KIF1B: variants seen among roughly 807,000 people sequenced by gnomAD.
The protein encoded by KIF1B is kinesin-like protein KIF1B.
KIF1B carries 76 observed loss-of-function variants against 241.9 expected under a neutral mutation model. The ratio of observed to expected loss-of-function variants is 0.31; its 90% CI spans 0.26 to 0.38. KIF1B has a LOEUF of 0.38. Among genes scored for constraint, KIF1B ranks in the 10% least tolerant of loss-of-function variants. KIF1B has a pLI of 1.00. For synonymous variants in KIF1B, 750 were observed against 796.7 expected (o/e 0.94, Z 0.99); for missense variants, 1,622 against 2,271.4 (o/e 0.71, Z 5.81).
Position 10,326,020 on chromosome 1 carries a change from G to C in KIF1B, c.2676-91G>C. 1 of 1,509,820 alleles carries C rather than the reference G, an allele frequency of 6.6e-7. No homozygotes were observed. Among genetic ancestry groups the C allele is most frequent in the Non-Finnish European group, 9.2e-7 (1 of 1,092,294 alleles). 93.5% of individuals were successfully genotyped at this position (1,509,820 alleles called of 1,614,324 possible). On this transcript the variant is annotated intron_variant, in intron 26 of 48. Transcript: ENST00000676179. This position sits in a 1 kb window ranked among gnomAD's most constrained non-coding sequence, Gnocchi z 5.2. ...CTTTTATTGTGTTGATTCCCCAGTG[G>C]ATTCTGTCCTGTTAGCACCTATTGC... is the stretch of plus-strand genomic sequence containing the variant.
At chr1:10,277,144 TA>T (rs1452366621) in intron 12 of KIF1B, among the ~76,000 whole-genome samples, 7 of 151,450 alleles carry the variant, frequency 4.6e-5, no homozygotes, top group Non-Finnish European at 8.8e-5. Context: ...TATGTAGCAA[TA>T]TTAAAAAATT....
At chr1:10,294,398 G>A (rs895396767) in intron 17 of KIF1B, among the ~76,000 whole-genome samples, 8 of 151,616 alleles carry the variant, frequency 5.3e-5, no homozygotes, top group Non-Finnish European at 8.8e-5. Flanking sequence ...AATTATAGTG[G>A]GAAGTGGTGG....
chr1:10,263,635 A>G (rs1254322549), intron 5 of KIF1B, among the ~76,000 whole-genome samples: 1 of 152,252 alleles, frequency 6.6e-6, no homozygotes, highest in African/African-American at 2.4e-5. Context: ...TACACCAAAA[A>G]GAGAATGTGC....
intron 22 of KIF1B, chr1:10,304,101 G>C (rs1438601566): frequency 6.2e-7 from 1 of 1,614,052 alleles, no homozygotes; most frequent in Non-Finnish European, 8.5e-7. Context: ...GAAACTCTTG[G>C]AGTCCTGGGA....
chr1:10,275,011 G>A (rs1033693670), intron 10 of KIF1B: 3 of 327,844 alleles, frequency 9.2e-6, no homozygotes, highest in Admixed American at 9.2e-5. Context: ...TTCTGTGTAA[G>A]AGAATGTTCT....
chr1:10,279,184 A>G, intron 14 of KIF1B, 46 bp downstream of exon 14: 1 of 1,308,310 alleles, frequency 7.6e-7, no homozygotes, highest in Non-Finnish European at 1.1e-6. Context: ...TGACTTGCTA[A>G]TCTGCCTCTG....
At chr1:10,348,818 C>G (rs1652685525) in intron 37 of KIF1B, 85 bp downstream of exon 37, 5 of 961,598 alleles carry the variant, frequency 5.2e-6, no homozygotes, top group African/African-American at 3.2e-5. Context: ...CTCTGTCACC[C>G]AGGCTGGAGT....
intron 28 of KIF1B, among the ~76,000 whole-genome samples, chr1:10,335,974 G>T (rs746214023): frequency 3.9e-5 from 6 of 152,132 alleles, no homozygotes; most frequent in Non-Finnish European, 8.8e-5. Flanking sequence ...TGACCTTTCA[G>T]CCTTTCCCCT....
At position 10,303,483 on chromosome 1, in the gene KIF1B, G is replaced by A. The variant is rs773442943; in HGVS notation, c.2115+6237G>A. The A allele has an allele frequency of 1.2e-5, 19 of 1,614,100 alleles. No individual in the cohort carries two copies. The highest frequency in any genetic ancestry group is 1.1e-4 in the African/African-American group (8 of 74,936). On this transcript the variant is annotated intron_variant, in intron 22 of 48. Transcript: ENST00000676179. The surrounding 1 kb of genome is among the most constrained non-coding windows in gnomAD (Gnocchi z 5.2). ...AGATTGAAGCCCTGGCCATTGTCAAGATGAAGGAGCTTTGTGCCATGTATG... is the reference window on the plus strand; with the variant it reads ...AGATTGAAGCCCTGGCCATTGTCAAAATGAAGGAGCTTTGTGCCATGTATG...
chr1:10,315,478 G>A (rs1651264005), intron 22 of KIF1B, among the ~76,000 whole-genome samples: 1 of 151,048 alleles, frequency 6.6e-6, no homozygotes, highest in Non-Finnish European at 1.5e-5. Context: ...ATCCAGCCAG[G>A]AATATTCTCC....
At chr1:10,368,090 G>C (rs1043064902) in intron 43 of KIF1B, among the ~76,000 whole-genome samples, 3 of 151,980 alleles carry the variant, frequency 2.0e-5, no homozygotes, top group African/African-American at 4.8e-5. Context: ...TAAGCCACTT[G>C]CTTTATCTTT....
At chr1:10,302,518 TTGAC>T (rs1274225284) in intron 22 of KIF1B, among the ~76,000 whole-genome samples, 2 of 152,208 alleles carry the variant, frequency 1.3e-5, no homozygotes, top group African/African-American at 4.8e-5. Context: ...TCATCCCTGT[TTGAC>T]TGCTTCTTTT....
chr1:10,336,810 T>A, intron 29 of KIF1B, 68 bp downstream of exon 29: 2 of 1,436,012 alleles, frequency 1.4e-6, no homozygotes, highest in South Asian at 2.3e-5. Context: ...TGGAGATCAG[T>A]TCTCCTGTAA....
chr1:10,303,042 TG>T lies in KIF1B; in HGVS notation c.2115+5798del. The T allele has an allele frequency of 8.2e-7, 1 of 1,213,256 alleles. No homozygotes were observed. The highest frequency in any genetic ancestry group is 1.1e-6 in the Non-Finnish European group (1 of 878,738). The allele number at this position is 1,213,256 out of a possible 1,614,324, so 75.2% of individuals were successfully genotyped here. On this transcript the variant is annotated intron_variant, in intron 22 of 48. Coordinates refer to ENST00000676179, the MANE Select transcript of KIF1B (RefSeq NM_001365951.3). The surrounding 1 kb of genome is among the most constrained non-coding windows in gnomAD (Gnocchi z 5.2). The stretch of plus-strand genomic sequence containing the variant: ...GTTTTGTTTTGTTTTTTAGTTTTTT[TG>T]GTCTTATTTTTAAATTTGGTTAAGG...
At chr1:10,290,952 A>G (rs968346283) in intron 15 of KIF1B, 130 bp from the exon 16 acceptor site, 3 of 687,110 alleles carry the variant, frequency 4.4e-6, no homozygotes, top group South Asian at 1.6e-5. Flanking sequence ...TGTATTAATA[A>G]AAGAAAAATC....
At chr1:10,216,226 C>T (rs1646765483) in intron 1 of KIF1B, among the ~76,000 whole-genome samples, 1 of 152,168 alleles carries the variant, frequency 6.6e-6, no homozygotes, top group Non-Finnish European at 1.5e-5. Context: ...CAAACATTGG[C>T]TTCATTCTGT....
intron 38 of KIF1B, among the ~76,000 whole-genome samples, chr1:10,356,297 G>A (rs777061780): frequency 2.0e-5 from 3 of 152,090 alleles, no homozygotes; most frequent in Admixed American, 6.5e-5. Flanking sequence ...CCCGGGAGGC[G>A]GAGGTTGCAG....
chr1:10,220,677 T>C (rs1646833526), intron 1 of KIF1B, among the ~76,000 whole-genome samples: 1 of 152,092 alleles, frequency 6.6e-6, no homozygotes, highest in Admixed American at 6.6e-5. Context: ...TCTTTTCTTT[T>C]TTGAGACAGA....
intron 2 of KIF1B, among the ~76,000 whole-genome samples, chr1:10,250,959 C>T (rs550429929): frequency 1.3e-5 from 2 of 152,168 alleles, no homozygotes; most frequent in East Asian, 3.9e-4. Flanking sequence ...GGTAAGGATC[C>T]TGTTCAAGGC....
Sources: allele counts gnomAD v4.1 joint callset (sites outside exome capture counted in the v4.1 genomes callset), GRCh38; gene constraint gnomAD v4.1.1; non-coding constraint Gnocchi (gnomAD v3.1); transcripts MANE v1.5; gene names NCBI Gene and HGNC (gene_info 2026-07-23, HGNC 2026-07-21).